The following CENPE variants were observed in gnomAD, a reference collection of about 807,000 sequenced individuals.
CENPE encodes the protein centromere-associated protein E.
Under a neutral mutation model 336.1 loss-of-function variants are expected in CENPE, and 145 were observed. That is an observed-to-expected ratio of 0.43 (90% confidence interval 0.38 to 0.50). The LOEUF (loss-of-function observed/expected upper bound fraction) is 0.50. Among genes scored for constraint, CENPE ranks in the 20% least tolerant of loss-of-function variants. The probability of loss-of-function intolerance (pLI) is 0.00; values close to 1 mark genes in which losing one functional copy is unlikely to be tolerated. For synonymous variants in CENPE, 1,013 were observed against 984.8 expected (o/e 1.03, Z -0.54); for missense variants, 2,719 against 3,023.3 (o/e 0.90, Z 2.36).
Position 103,180,473 on chromosome 4 carries a change from T to C in CENPE, c.1084-4A>G, listed in dbSNP as rs190899568. On this transcript the variant is annotated splice_polypyrimidine_tract_variant and splice_region_variant and intron_variant, in intron 12 of 48. Coordinates refer to ENST00000265148, the MANE Select transcript of CENPE (RefSeq NM_001813.3). ...GAGCCCGCGTCTCTAAAGAAACCTA[T>C]AGAATGCAATATTGGATTATGTTAA... The C allele has an allele frequency of 3.8e-5, 61 of 1,601,114 alleles. No homozygotes were observed. In the Admixed American group the frequency reaches 4.6e-4, roughly 12 times the overall value.
intron 13 of CENPE, among the ~76,000 whole-genome samples, chr4:103,178,260 C>T (rs1240658927): frequency 1.3e-5 from 2 of 152,000 alleles, no homozygotes; most frequent in African/African-American, 2.4e-5. Context: ...GCCAGAAGAC[C>T]GGCTGACAAG....
chr4:103,178,378 A>T (rs1251390909), intron 13 of CENPE, among the ~76,000 whole-genome samples: 1 of 152,168 alleles, frequency 6.6e-6, no homozygotes, highest in East Asian at 1.9e-4. Flanking sequence ...GTATCTCTGC[A>T]AACTTATGAC....
Position 103,149,010 on chromosome 4 carries a change from G to A in CENPE, c.3688-11C>T, listed in dbSNP as rs1381918645. ...TTTGGTTTGTAGGCCCTTGGCGAGT[G>A]AAATTTAAAGAATATTGTAATATTC... On this transcript the variant is annotated splice_polypyrimidine_tract_variant and intron_variant, in intron 27 of 48. Transcript: ENST00000265148. 6.2e-7 allele frequency: 1 copy of A among 1,606,774 alleles called. No homozygotes were observed. The highest frequency in any genetic ancestry group is 1.1e-5 in the South Asian group (1 of 89,292).
At chr4:103,140,537 A>G in intron 36 of CENPE, 123 bp from the exon 37 acceptor site, 1 of 766,714 alleles carries the variant, frequency 1.3e-6, no homozygotes, top group African/African-American at 1.8e-5. Flanking sequence ...CCATTATACA[A>G]CCTCCTAAAT....
At position 103,140,831 on chromosome 4, in the gene CENPE, G is replaced by A; in HGVS notation, c.5737C>T (p.Gln1913Ter). Residue 1913 changes from glutamine (Q) to a stop codon, truncating the protein, a stop_gained, in exon 36 of 49, where the codon CAA becomes TAA. Transcript: ENST00000265148. LOFTEE classifies it high-confidence loss of function. The part of the protein sequence containing the change: ...LERDQLKESL[Q>*]ETKARDLEIQ... The stretch of plus-strand genomic sequence containing the variant: ...CAACTCACTCTAGCTTTGGTTTCTT[G>A]CAGGCTTTCCTTGAGTTGGTCTCTC... 2 of 1,587,842 alleles carry A rather than the reference G, an allele frequency of 1.3e-6. No homozygotes were observed. Among genetic ancestry groups the A allele is most frequent in the Non-Finnish European group, 1.7e-6 (2 of 1,172,074 alleles).
intron 26 of CENPE, among the ~76,000 whole-genome samples, chr4:103,150,410 C>T (rs1469386029): frequency 6.6e-6 from 1 of 151,986 alleles, no homozygotes; most frequent in African/African-American, 2.4e-5. Context: ...AGTGAGACCT[C>T]GTTTCTACCA....
intron 16 of CENPE, among the ~76,000 whole-genome samples, chr4:103,167,033 A>G (rs1365186598): frequency 2.0e-5 from 3 of 152,202 alleles, no homozygotes; most frequent in Non-Finnish European, 2.9e-5. Context: ...ATTCCATTAT[A>G]ACTATTTAGT....
chr4:103,195,032 A>G, intron 5 of CENPE, 82 bp downstream of exon 5: 1 of 1,266,148 alleles, frequency 7.9e-7, no homozygotes, highest in East Asian at 2.5e-5. Context: ...TTTAAAAACT[A>G]TAGAAATTAA....
chr4:103,188,955 G>T (rs1343265219), intron 8 of CENPE, among the ~76,000 whole-genome samples: 1 of 152,122 alleles, frequency 6.6e-6, no homozygotes, highest in Non-Finnish European at 1.5e-5. Context: ...AAATGATAAA[G>T]GGGATATCAT....
rs1755714317 is a variant in CENPE at position 103,174,771 on chromosome 4, C to T, written c.1612G>A (p.Glu538Lys). ...TTTTTAGTTTTTCTTTCTAGAGCCTCAAATTCATCCAAATCATTCTTTTCT... is the reference window on the plus strand; with the variant it reads ...TTTTTAGTTTTTCTTTCTAGAGCCTTAAATTCATCCAAATCATTCTTTTCT... ...LKEKNDLDEF[E>K]ALERKTKKDQ... Residue 538 changes from glutamate (E) to lysine (K), a missense_variant, in exon 16 of 49, where the codon GAG becomes AAG. Coordinates refer to ENST00000265148, the MANE Select transcript of CENPE (RefSeq NM_001813.3). 1 of 1,546,858 alleles carries T rather than the reference C, an allele frequency of 6.5e-7. No individual in the cohort carries two copies. The highest frequency in any genetic ancestry group is 2.4e-5 in the East Asian group (1 of 41,846).
chr4:103,191,128 G>C (rs150812513), intron 8 of CENPE, among the ~76,000 whole-genome samples: 2 of 151,980 alleles, frequency 1.3e-5, no homozygotes, highest in Non-Finnish European at 2.9e-5. Flanking sequence ...AATGGCAATC[G>C]TTAAAAAGTC....
intron 9 of CENPE, among the ~76,000 whole-genome samples, chr4:103,183,678 T>C (rs1000382704): frequency 1.3e-5 from 2 of 152,142 alleles, no homozygotes; most frequent in East Asian, 1.9e-4. Flanking sequence ...AAATTGTTAA[T>C]ATGCTCACAC....
intron 40 of CENPE, among the ~76,000 whole-genome samples, chr4:103,134,592 C>CA (rs1359133584): frequency 1.4e-5 from 2 of 144,146 alleles, no homozygotes; most frequent in Non-Finnish European, 3.0e-5. Flanking sequence ...GAGATCATCA[C>CA]ACCACTGCAC....
intron 18 of CENPE, among the ~76,000 whole-genome samples, chr4:103,162,765 C>A (rs1754563194): frequency 6.6e-6 from 1 of 151,954 alleles, no homozygotes; most frequent in African/African-American, 2.4e-5. Context: ...CACTATGTTG[C>A]CCAGGCTGGT....
chr4:103,132,985 A>T (rs1245921256), intron 41 of CENPE, 89 bp from the exon 42 acceptor site: 98 of 105,944 alleles, frequency 9.3e-4, no homozygotes, highest in African/African-American at 4.3e-3. Context: ...TATATATATA[A>T]AATAAAAAGA....
intron 39 of CENPE, 68 bp downstream of exon 39, chr4:103,138,283 C>T: frequency 9.6e-7 from 1 of 1,041,350 alleles, no homozygotes; most frequent in Non-Finnish European, 1.5e-6. Flanking sequence ...TTCAATCCCA[C>T]TTCAGGTTTC....
intron 16 of CENPE, among the ~76,000 whole-genome samples, chr4:103,172,759 A>C (rs780527081): frequency 6.6e-6 from 1 of 152,042 alleles, no homozygotes; most frequent in Non-Finnish European, 1.5e-5. Context: ...AGGATACAAA[A>C]TCAACATAAA....
chr4:103,150,053 T>C (rs1753409207), intron 26 of CENPE, among the ~76,000 whole-genome samples: 1 of 152,054 alleles, frequency 6.6e-6, no homozygotes. Context: ...TAATTAAATA[T>C]ACAAATACAG....
chr4:103,163,393 AT>A, intron 17 of CENPE, 85 bp downstream of exon 17: 1 of 1,260,954 alleles, frequency 7.9e-7, no homozygotes, highest in Non-Finnish European at 1.1e-6. Flanking sequence ...TAATTCCCTT[AT>A]TTCTGACATC....
Sources: gnomAD v4.1 joint callset for allele counts (sites outside exome capture counted in the v4.1 genomes callset) on GRCh38, gnomAD v4.1.1 for gene constraint, MANE v1.5 for transcripts, NCBI Gene and HGNC (gene_info 2026-07-23, HGNC 2026-07-21) for gene names.